The following AOPEP variants were observed in gnomAD, a reference collection of about 807,000 sequenced individuals.
The protein encoded by AOPEP is aminopeptidase O.
AOPEP carries 77 observed loss-of-function variants against 98.1 expected under a neutral mutation model. The observed-to-expected ratio is 0.78, with a 90% CI of 0.65 to 0.95. AOPEP has a LOEUF of 0.95. Ranked by LOEUF, AOPEP falls within the 40% of genes least tolerant of loss-of-function variation. The probability of loss-of-function intolerance (pLI) is 0.00; values close to 1 mark genes in which losing one functional copy is unlikely to be tolerated. For synonymous variants in AOPEP, 346 were observed against 365.3 expected (o/e 0.95, Z 0.60); for missense variants, 1,024 against 1,024.7 (o/e 1.00, Z 0.01).
chr9:95,037,740 T>C (rs1425810289), intron 13 of AOPEP, among the ~76,000 whole-genome samples: 1 of 152,226 alleles, frequency 6.6e-6, no homozygotes, highest in Non-Finnish European at 1.5e-5. Flanking sequence ...CTTCAGCTGC[T>C]CTTGGGGAAG....
At chr9:94,808,017 T>G (rs1257716026) in intron 5 of AOPEP, among the ~76,000 whole-genome samples, 1 of 151,700 alleles carries the variant, frequency 6.6e-6, no homozygotes, top group Non-Finnish European at 1.5e-5. Context: ...ATTGGAAGAG[T>G]GTCTCAGCCA....
intron 1 of AOPEP, among the ~76,000 whole-genome samples, chr9:94,729,227 G>A (rs1829956647): frequency 6.6e-6 from 1 of 152,190 alleles, no homozygotes; most frequent in Non-Finnish European, 1.5e-5. Context: ...CAAGAGACTT[G>A]AGGTTAAAAT....
intron 4 of AOPEP, among the ~76,000 whole-genome samples, chr9:94,798,220 G>A (rs142028847): frequency 8.5e-5 from 13 of 152,294 alleles, no homozygotes; most frequent in Admixed American, 3.9e-4. Context: ...ATTTCTATGG[G>A]AGCCTTACCC....
chr9:95,126,536 T>A, the AOPEP span: 12 of 1,613,846 alleles, frequency 7.4e-6, no homozygotes, highest in African/African-American at 1.1e-4. Flanking sequence ...TACCTGAACA[T>A]CTCATCAACA....
rs774994653 is a variant in AOPEP, at chr9:95,023,236, A to G, written c.2115+17620A>G. 3.9e-4 allele frequency among the ~76,000 whole-genome samples: 60 copies of G among 152,324 alleles called. 1 individual carries two copies. The highest frequency in any genetic ancestry group is 1.3e-4 in the Admixed American group (2 of 15,292). On this transcript the variant is annotated intron_variant, in intron 13 of 16. Transcript: ENST00000375315. ...TTGTTATCTGTGGTGTGTTATGGGA[A>G]CAGAAGATGTTCCTGAGAGCTGATA... is the stretch of plus-strand genomic sequence containing the variant.
chr9:95,098,196 A>G, the AOPEP span, among the ~76,000 whole-genome samples: 1 of 152,064 alleles, frequency 6.6e-6, no homozygotes, highest in African/African-American at 2.4e-5. Flanking sequence ...CTCGGTTTTG[A>G]CTTCCCAGCA....
chr9:95,002,557 G>T (rs1466382948), intron 11 of AOPEP, among the ~76,000 whole-genome samples: 1 of 152,216 alleles, frequency 6.6e-6, no homozygotes, highest in African/African-American at 2.4e-5. Context: ...GGGGAAGCTG[G>T]TGAGTGGGTA....
intron 3 of AOPEP, among the ~76,000 whole-genome samples, chr9:94,785,594 G>A (rs1452507926): frequency 2.6e-5 from 4 of 152,206 alleles, no homozygotes; most frequent in Non-Finnish European, 5.9e-5. Flanking sequence ...AAGTTAAGGA[G>A]TGCTGTTTCC....
At chr9:94,729,274 C>G (rs1170689600) in intron 1 of AOPEP, among the ~76,000 whole-genome samples, 2 of 152,110 alleles carry the variant, frequency 1.3e-5, no homozygotes, top group African/African-American at 4.8e-5. Context: ...CTATGTTATT[C>G]TAAAGATGTC....
chr9:95,082,439 CCT>C (rs761590028), intron 15 of AOPEP, 134 bp from the exon 16 acceptor site: 2 of 916,762 alleles, frequency 2.2e-6, no homozygotes, highest in Admixed American at 2.9e-5. Flanking sequence ...CAGCCCACGG[CCT>C]CTGTCTTCTC....
the AOPEP span, among the ~76,000 whole-genome samples, chr9:95,094,094 C>T: frequency 2.0e-5 from 3 of 152,114 alleles, no homozygotes; most frequent in African/African-American, 2.4e-5. Context: ...CCCTTTCCTC[C>T]CTCTCTGTTT....
intron 5 of AOPEP, among the ~76,000 whole-genome samples, chr9:94,890,447 G>A (rs989563175): frequency 6.6e-6 from 1 of 151,864 alleles, no homozygotes; most frequent in Non-Finnish European, 1.5e-5. Flanking sequence ...ACAGGCATGA[G>A]CCACTATGCC....
At chr9:94,960,566 G>A (rs1453389495) in intron 9 of AOPEP, among the ~76,000 whole-genome samples, 2 of 151,720 alleles carry the variant, frequency 1.3e-5, no homozygotes, top group Non-Finnish European at 2.9e-5. Flanking sequence ...GTGTAATCTT[G>A]GCTTGTTAAA....
intron 5 of AOPEP, among the ~76,000 whole-genome samples, chr9:94,870,116 GTAGCTAGGATTA>G (rs1468216944): frequency 6.6e-6 from 1 of 150,984 alleles, no homozygotes; most frequent in Non-Finnish European, 1.5e-5. Flanking sequence ...AACCTCCCAA[GTAGCTAGGATTA>G]TAGGCACACG....
At chr9:95,055,481 T>C (rs1402589840) in intron 13 of AOPEP, among the ~76,000 whole-genome samples, 1 of 152,256 alleles carries the variant, frequency 6.6e-6, no homozygotes, top group Non-Finnish European at 1.5e-5. Flanking sequence ...CTGTGTTTTA[T>C]TTGGTTCAGA....
In AOPEP at chr9:94,749,140, A is replaced by G. The variant is rs191044767; in HGVS notation, c.-135-10509A>G. Among the ~76,000 whole-genome samples, 278 of 152,372 alleles carry G rather than the reference A, an allele frequency of 1.8e-3. 2 individuals carry two copies. Among genetic ancestry groups the G allele is most frequent in the Middle Eastern group, 3.4e-3 (1 of 294 alleles). On this transcript the variant is annotated intron_variant, in intron 1 of 16. Transcript: ENST00000375315. ...CAATTTAAACAAATTTATTTATTCA[A>G]TTTAAACAAATGATTACTTATTCAA...
the AOPEP span, among the ~76,000 whole-genome samples, chr9:95,146,487 C>CAAA: frequency 0.23 from 10,302 of 45,372 alleles, 2,379 homozygotes; most frequent in Middle Eastern, 0.33. Context: ...GACCCCATCT[C>CAAA]AAAAAAAAAA....
At chr9:94,895,865 A>G (rs1161403175) in intron 5 of AOPEP, among the ~76,000 whole-genome samples, 2 of 152,194 alleles carry the variant, frequency 1.3e-5, no homozygotes, top group African/African-American at 4.8e-5. Flanking sequence ...TGCTTTTTAA[A>G]TAAAGTTTTA....
chr9:95,049,070 A>G (rs944820091), intron 13 of AOPEP: 5 of 152,198 alleles, frequency 3.3e-5, no homozygotes, highest in African/African-American at 1.2e-4. Context: ...GTTTTCAAAC[A>G]TTTCTCTGTC....
Sources: allele counts gnomAD v4.1 joint callset (sites outside exome capture counted in the v4.1 genomes callset), GRCh38; gene constraint gnomAD v4.1.1; transcripts MANE v1.5; gene names NCBI Gene and HGNC (gene_info 2026-07-23, HGNC 2026-07-21).